Variants in CHRNA9 observed in about 807,000 individuals in gnomAD.
CHRNA9 encodes the protein cholinergic receptor nicotinic alpha 9 subunit, also known as neuronal acetylcholine receptor subunit alpha-9.
Under a neutral mutation model 36.8 loss-of-function variants are expected in CHRNA9, and 24 were observed. The observed-to-expected ratio is 0.65, with a 90% CI of 0.47 to 0.92. The LOEUF (loss-of-function observed/expected upper bound fraction) is 0.92, where lower values mean the gene tolerates loss of function less well. Among genes scored for constraint, CHRNA9 ranks in the 40% least tolerant of loss-of-function variants. The probability of loss-of-function intolerance (pLI) is 0.00; values close to 1 mark genes in which losing one functional copy is unlikely to be tolerated. For missense variants in CHRNA9, 610 were observed against 601.2 expected, an observed-to-expected ratio of 1.01 and a Z score of -0.15; for synonymous variants, 231 against 231.8, an observed-to-expected ratio of 1.00 and a Z score of 0.03.
chr4:40,348,915 C>A lies in CHRNA9; in HGVS notation c.399C>A (p.Thr133=), dbSNP rs1052828941. 1 of 1,613,994 alleles carries A rather than the reference C, an allele frequency of 6.2e-7. No individual in the cohort carries two copies. The highest frequency in any genetic ancestry group is 8.5e-7 in the Non-Finnish European group (1 of 1,179,900). Residue 133 remains threonine (T), a synonymous_variant, in exon 4 of 5, where the codon ACC becomes ACA. Coordinates refer to ENST00000310169, the MANE Select transcript of CHRNA9 (RefSeq NM_017581.4). ...ADDESSEPVN[T]NVVLRYDGLI... is the part of the protein sequence containing the mutation. ...ATGAATCTTCAGAGCCTGTGAACAC[C>A]AATGTGGTCCTGCGGTATGATGGGC... is the stretch of plus-strand genomic sequence containing the variant.
intron 3 of CHRNA9, among the ~76,000 whole-genome samples, chr4:40,345,943 T>C (rs1027411004): frequency 1.3e-5 from 2 of 152,230 alleles, no homozygotes; most frequent in African/African-American, 4.8e-5. Flanking sequence ...GAGAATTGCT[T>C]GAACCCAGGA....
chr4:40,349,526 A>G lies in CHRNA9; in HGVS notation c.898+112A>G, dbSNP rs559972209. ...AAAAAATGGAGCCAATTTCGACTCA[A>G]TACAGACTGTCTCAAATTTTTCTGG... On this transcript the variant is annotated intron_variant, in intron 4 of 4. Coordinates refer to ENST00000310169, the MANE Select transcript of CHRNA9 (RefSeq NM_017581.4). The G allele has an allele frequency of 1.4e-4, 144 of 1,042,208 alleles. 2 individuals are homozygous for G. The East Asian group carries it at 3.4e-3, about 25-fold the overall frequency. The allele number at this position is 1,042,208 out of a possible 1,614,324, so 64.6% of individuals were successfully genotyped here.
intron 3 of CHRNA9, among the ~76,000 whole-genome samples, chr4:40,338,889 T>TCA (rs1315989946): frequency 4.4e-5 from 6 of 135,908 alleles, no homozygotes; most frequent in African/African-American, 2.0e-4. Context: ...TCCCTCTCTC[T>TCA]CTCACACACA....
chr4:40,337,749 G>A (rs939178534), intron 3 of CHRNA9, among the ~76,000 whole-genome samples: 1 of 152,124 alleles, frequency 6.6e-6, no homozygotes, highest in African/African-American at 2.4e-5. Flanking sequence ...GGGCTGTGAG[G>A]GAGGATCTGT....
intron 3 of CHRNA9, among the ~76,000 whole-genome samples, chr4:40,345,605 G>A (rs1286310668): frequency 2.6e-5 from 4 of 151,724 alleles, no homozygotes; most frequent in Non-Finnish European, 5.9e-5. Flanking sequence ...CCAGCACCTC[G>A]GGAGTCTGGG....
chr4:40,350,216 A>G (rs926703113), intron 4 of CHRNA9, among the ~76,000 whole-genome samples: 2 of 152,162 alleles, frequency 1.3e-5, no homozygotes. Flanking sequence ...GCAAGTTCCT[A>G]CACCCAGAGA....
At chr4:40,348,059 G>A (rs1198192254) in intron 3 of CHRNA9, 1 of 152,258 alleles carries the variant, frequency 6.6e-6, no homozygotes, top group African/African-American at 2.4e-5. Context: ...CAAGGCAGGA[G>A]GGACTGTCTG....
At position 40,355,020 on chromosome 4, in the gene CHRNA9, T is replaced by A. The variant is rs1712918548; in HGVS notation, c.*500T>A. 6.5e-6 allele frequency: 1 copy of A among 153,548 alleles called. No homozygotes were observed. The highest frequency in any genetic ancestry group is 2.4e-5 in the African/African-American group (1 of 41,448). 9.5% of individuals were successfully genotyped at this position (153,548 alleles called of 1,614,324 possible). ...TCAAATAGTGGAATAAAAGGTTTTG[T>A]CCCATGTAAAGAAAGTCTAAGCATC... On this transcript the variant is annotated 3_prime_UTR_variant, in exon 5 of 5. Transcript: ENST00000310169.
chr4:40,341,449 C>T (rs912391120), intron 3 of CHRNA9, among the ~76,000 whole-genome samples: 3 of 152,114 alleles, frequency 2.0e-5, no homozygotes, highest in East Asian at 3.9e-4. Flanking sequence ...GCTTCCAACT[C>T]GTCACAGACC....
chr4:40,336,660 T>C (rs1261447560), intron 2 of CHRNA9, among the ~76,000 whole-genome samples: 3 of 151,994 alleles, frequency 2.0e-5, no homozygotes, highest in Non-Finnish European at 4.4e-5. Context: ...TTTTGTATTT[T>C]TAGTAGAGAC....
intron 3 of CHRNA9, among the ~76,000 whole-genome samples, chr4:40,338,910 G>C (rs973643955): frequency 3.4e-5 from 5 of 145,188 alleles, no homozygotes; most frequent in African/African-American, 1.4e-4. Context: ...CACACACACA[G>C]AGCAAGAAAA....
chr4:40,341,344 G>A (rs1375420060), intron 3 of CHRNA9, among the ~76,000 whole-genome samples: 1 of 151,942 alleles, frequency 6.6e-6, no homozygotes, highest in Non-Finnish European at 1.5e-5. Context: ...GAGTGCCCTG[G>A]TGTGATCGTA....
intron 3 of CHRNA9, among the ~76,000 whole-genome samples, chr4:40,346,162 T>C (rs1712632855): frequency 6.6e-6 from 1 of 152,208 alleles, no homozygotes; most frequent in South Asian, 2.1e-4. Flanking sequence ...CAGTGGGCAA[T>C]TGCAGGGAAA....
intron 4 of CHRNA9, among the ~76,000 whole-genome samples, chr4:40,351,779 A>T (rs1306929361): frequency 2.0e-5 from 3 of 152,248 alleles, no homozygotes; most frequent in African/African-American, 7.2e-5. Flanking sequence ...CGTGAATTAC[A>T]TCAATAAGTT....
At position 40,354,529 on chromosome 4, in the gene CHRNA9, A is replaced by G. The variant is rs1712905207; in HGVS notation, c.*9A>G. 1.9e-6 allele frequency: 3 copies of G among 1,589,640 alleles called. No homozygotes were observed. Among genetic ancestry groups the G allele is most frequent in the East Asian group, 4.5e-5 (2 of 44,518 alleles). ...TAGCAAGAGCGGATTAGTCACAGATATTGGCTTTGCTATCTGGGTAGAAAT... is the reference window on the plus strand; with the variant it reads ...TAGCAAGAGCGGATTAGTCACAGATGTTGGCTTTGCTATCTGGGTAGAAAT... On this transcript the variant is annotated 3_prime_UTR_variant, in exon 5 of 5. Coordinates refer to ENST00000310169, the MANE Select transcript of CHRNA9 (RefSeq NM_017581.4).
intron 4 of CHRNA9, among the ~76,000 whole-genome samples, chr4:40,351,331 C>CA (rs113056490): frequency 0.57 from 83,657 of 145,550 alleles, 25,620 homozygotes; most frequent in East Asian, 0.94. Flanking sequence ...GACTTCGTCT[C>CA]AAAAAAAAAA....
chr4:40,349,711 G>A (rs1265576411), intron 4 of CHRNA9: 3 of 300,960 alleles, frequency 1.0e-5, no homozygotes, highest in Non-Finnish European at 1.2e-5. Flanking sequence ...GCATCCCCTG[G>A]GAACTTATAG....
chr4:40,352,161 T>C (rs959146267), intron 4 of CHRNA9, among the ~76,000 whole-genome samples: 1 of 152,238 alleles, frequency 6.6e-6, no homozygotes. Context: ...ATTCTTGCAC[T>C]AATTTTGACA....
intron 4 of CHRNA9, among the ~76,000 whole-genome samples, chr4:40,353,328 T>C (rs1482122210): frequency 6.6e-6 from 1 of 152,060 alleles, no homozygotes; most frequent in Non-Finnish European, 1.5e-5. Context: ...CCCTCTCTAC[T>C]AAAAATACAA....
Sources: gnomAD v4.1 joint callset for allele counts (sites outside exome capture counted in the v4.1 genomes callset) on GRCh38, gnomAD v4.1.1 for gene constraint, MANE v1.5 for transcripts, NCBI Gene and HGNC (gene_info 2026-07-23, HGNC 2026-07-21) for gene names.